The following UTRN variants were observed in gnomAD, a reference collection of about 807,000 sequenced individuals.
The protein encoded by UTRN is dystrophin-related protein 1.
A neutral mutation model predicts 463.9 loss-of-function variants in UTRN; 283 were observed. The observed-to-expected ratio is 0.61, with a 90% CI of 0.55 to 0.67. The LOEUF (loss-of-function observed/expected upper bound fraction) is 0.67, where lower values mean the gene tolerates loss of function less well. Among genes scored for constraint, UTRN ranks in the 30% least tolerant of loss-of-function variants. The pLI is 0.00. For missense variants in UTRN, 3,922 were observed against 4,084.3 expected (o/e 0.96, Z 1.08); for synonymous variants, 1,442 against 1,431.5 (o/e 1.01, Z -0.17).
At chr6:144,553,339 G>C (rs1433817996) in intron 48 of UTRN, among the ~76,000 whole-genome samples, 2 of 151,998 alleles carry the variant, frequency 1.3e-5, no homozygotes, top group Non-Finnish European at 2.9e-5. Flanking sequence ...CACCCAGCCA[G>C]TTGATAGCTT....
At chr6:144,640,192 T>TC (rs1202733153) in intron 51 of UTRN, among the ~76,000 whole-genome samples, 1 of 151,928 alleles carries the variant, frequency 6.6e-6, no homozygotes. Flanking sequence ...TGGAAACATC[T>TC]CCCCCCTCCA....
At chr6:144,329,937 A>T (rs573855967) in intron 2 of UTRN, among the ~76,000 whole-genome samples, 1 of 152,224 alleles carries the variant, frequency 6.6e-6, no homozygotes, top group Non-Finnish European at 1.5e-5. Flanking sequence ...GATGAGCTCT[A>T]TGATGGCATC....
intron 51 of UTRN, among the ~76,000 whole-genome samples, chr6:144,619,399 C>T (rs966153216): frequency 6.6e-6 from 1 of 152,102 alleles, no homozygotes; most frequent in Non-Finnish European, 1.5e-5. Context: ...TCAATTTGGT[C>T]AGTCTAGAAA....
rs78801371 is a variant in UTRN at position 144,732,279 on chromosome 6, C to T, written c.7939+1793C>T. 1.4e-3 allele frequency among the ~76,000 whole-genome samples: 140 copies of T among 103,138 alleles called. 3 individuals carry two copies. In the East Asian group the frequency reaches 0.043, roughly 31 times the overall value. The allele number at this position is 103,138 out of a possible 152,430, so 67.7% of individuals were successfully genotyped here. A position where few individuals can be genotyped will look rare whatever the true frequency, so the allele number is the denominator to read the frequency against. On this transcript the variant is annotated intron_variant, in intron 54 of 74. Transcript: ENST00000367545. ...ATATACACACATATATATATATATACACACATATATATATATACACATATA... is the reference window on the plus strand; with the variant it reads ...ATATACACACATATATATATATATATACACATATATATATATACACATATA...
At chr6:144,344,202 A>G (rs1422761766) in intron 2 of UTRN, 1 of 1,303,620 alleles carries the variant, frequency 7.7e-7, no homozygotes, top group Non-Finnish European at 1.0e-6. Context: ...ATCTAAGCAG[A>G]TGTAGGTGAT....
intron 65 of UTRN, among the ~76,000 whole-genome samples, chr6:144,805,753 A>G (rs778016682): frequency 6.6e-6 from 1 of 152,102 alleles, no homozygotes; most frequent in Non-Finnish European, 1.5e-5. Context: ...CAATAGTTCA[A>G]AGCCCTTCTG....
chr6:144,558,372 G>T (rs1419335799), intron 50 of UTRN, among the ~76,000 whole-genome samples: 2 of 152,118 alleles, frequency 1.3e-5, no homozygotes, highest in African/African-American at 4.8e-5. Context: ...AAGCAGAGTG[G>T]CTATAATATT....
At chr6:144,830,665 T>G (rs1780589405) in intron 69 of UTRN, among the ~76,000 whole-genome samples, 1 of 152,104 alleles carries the variant, frequency 6.6e-6, no homozygotes, top group South Asian at 2.1e-4. Flanking sequence ...CCAACACAAA[T>G]TCATAAACTT....
At position 144,540,837 on chromosome 6, in the gene UTRN, A is replaced by C. The variant is rs775292780; in HGVS notation, c.6519+1394A>C. On this transcript the variant is annotated intron_variant, in intron 45 of 74. Transcript: ENST00000367545. ...ATCTACTGGATGGATGGTTTATTGG[A>C]TAGCCAGATGGCTATGTGTGATAAG... Among the ~76,000 whole-genome samples the C allele has an allele frequency of 4.6e-5, 7 of 152,356 alleles. 1 individual carries two copies. The Middle Eastern group carries it at 0.014, about 296-fold the overall frequency.
intron 43 of UTRN, among the ~76,000 whole-genome samples, chr6:144,534,929 A>G (rs1797395597): frequency 1.3e-5 from 2 of 152,198 alleles, no homozygotes; most frequent in Admixed American, 6.5e-5. Flanking sequence ...AGGCATAAAT[A>G]GCATCGTCGT....
chr6:144,643,423 G>GT (rs1445066830), intron 51 of UTRN, among the ~76,000 whole-genome samples: 1 of 152,178 alleles, frequency 6.6e-6, no homozygotes, highest in Admixed American at 6.5e-5. Flanking sequence ...ACGTTTTCCT[G>GT]TAAGAGAGTA....
At chr6:144,721,429 A>C (rs1336073305) in intron 53 of UTRN, among the ~76,000 whole-genome samples, 1 of 152,142 alleles carries the variant, frequency 6.6e-6, no homozygotes, top group Non-Finnish European at 1.5e-5. Flanking sequence ...GGCTGGTGTC[A>C]AATTTCTGGC....
intron 62 of UTRN, 45 bp downstream of exon 62, chr6:144,789,324 A>C: frequency 1.4e-6 from 2 of 1,423,444 alleles, no homozygotes; most frequent in Non-Finnish European, 1.9e-6. Flanking sequence ...TAGTAATAAT[A>C]ATGATTATAA....
intron 51 of UTRN, among the ~76,000 whole-genome samples, chr6:144,658,659 A>G (rs1018677158): frequency 6.6e-6 from 1 of 152,238 alleles, no homozygotes; most frequent in Admixed American, 6.5e-5. Context: ...TTTATGATGA[A>G]ACTCTGCCTA....
intron 22 of UTRN, 45 bp from the exon 23 acceptor site, chr6:144,462,607 CAG>C (rs896645195): frequency 1.3e-6 from 2 of 1,517,104 alleles, no homozygotes; most frequent in African/African-American, 2.8e-5. Flanking sequence ...TATATCTGTG[CAG>C]ACACATTTTT....
intron 19 of UTRN, among the ~76,000 whole-genome samples, chr6:144,456,594 A>G (rs1294148063): frequency 6.6e-6 from 1 of 151,308 alleles, no homozygotes; most frequent in African/African-American, 2.4e-5. Flanking sequence ...CGGAGGTTGC[A>G]GTGAGCTGAG....
Position 144,720,287 on chromosome 6 carries a change from T to C in UTRN, c.7810-10070T>C, listed in dbSNP as rs762542260. ...GTCTTATCTTTTAATCTCTTGTCTT[T>C]CTCACTAAGTTGTAGCAGGTGGGAG... On this transcript the variant is annotated intron_variant, in intron 53 of 74. Coordinates refer to ENST00000367545, the MANE Select transcript of UTRN (RefSeq NM_007124.3). 3.9e-5 allele frequency among the ~76,000 whole-genome samples: 6 copies of C among 152,342 alleles called. 1 individual carries two copies. The Middle Eastern group carries it at 0.01, about 259-fold the overall frequency.
At chr6:144,741,780 T>C (rs1379200522) in intron 54 of UTRN, among the ~76,000 whole-genome samples, 1 of 152,204 alleles carries the variant, frequency 6.6e-6, no homozygotes, top group African/African-American at 2.4e-5. Context: ...GCTTCTTTCC[T>C]TGGAGTTGCG....
intron 52 of UTRN, among the ~76,000 whole-genome samples, chr6:144,689,229 T>C (rs991999596): frequency 1.3e-5 from 2 of 152,142 alleles, no homozygotes; most frequent in African/African-American, 4.8e-5. Flanking sequence ...TGTCTACAGG[T>C]GCACCCACGC....
Sources: allele counts gnomAD v4.1 joint callset (sites outside exome capture counted in the v4.1 genomes callset), GRCh38; gene constraint gnomAD v4.1.1; transcripts MANE v1.5; gene names NCBI Gene and HGNC (gene_info 2026-07-23, HGNC 2026-07-21).